The following PCLO variants were observed in gnomAD, a reference collection of about 807,000 sequenced individuals.
The protein encoded by PCLO is piccolo presynaptic cytomatrix protein.
Under a neutral mutation model 427.5 loss-of-function variants are expected in PCLO, and 82 were observed. The observed-to-expected ratio is 0.19, with a 90% CI of 0.16 to 0.23. The LOEUF is 0.23. PCLO is among the 10% of genes least tolerant of loss of function. The pLI, the probability that PCLO is intolerant of heterozygous loss-of-function variation, is 1.00. For synonymous variants in PCLO, 2,357 were observed against 2,155.4 expected, an observed-to-expected ratio of 1.09 and a Z score of -2.59; for missense variants, 6,239 against 6,115.9, an observed-to-expected ratio of 1.02 and a Z score of -0.67.
chr7:82,843,665 ATTTTT>A (rs71522631), intron 13 of PCLO, among the ~76,000 whole-genome samples: 1 of 135,804 alleles, frequency 7.4e-6, no homozygotes, highest in African/African-American at 2.7e-5. Flanking sequence ...CAACGTATTC[ATTTTT>A]TTTTTTTTTT....
intron 6 of PCLO, among the ~76,000 whole-genome samples, chr7:82,930,417 GT>G (rs1794814519): frequency 6.6e-6 from 1 of 152,082 alleles, no homozygotes. Context: ...AAGATTTGAA[GT>G]TCAGAAATGA....
At chr7:82,991,949 A>G (rs979867618) in intron 3 of PCLO, among the ~76,000 whole-genome samples, 6 of 152,082 alleles carry the variant, frequency 3.9e-5, no homozygotes, top group Non-Finnish European at 1.5e-5. Context: ...TTACATGACA[A>G]TCTATTAGTG....
chr7:82,831,550 G>A (rs2715154), intron 16 of PCLO, among the ~76,000 whole-genome samples: 11 of 151,976 alleles, frequency 7.2e-5, no homozygotes, highest in Middle Eastern at 3.4e-3. Flanking sequence ...TAGTACATCC[G>A]AAGTGAGTGT....
intron 3 of PCLO, among the ~76,000 whole-genome samples, chr7:83,042,061 A>G (rs1189394007): frequency 6.6e-6 from 1 of 152,106 alleles, no homozygotes; most frequent in Non-Finnish European, 1.5e-5. Context: ...GCTGAACTTG[A>G]ATTGCTATGG....
Position 82,951,058 on chromosome 7 carries a change from G to A in PCLO, c.9530C>T (p.Thr3177Met), listed in dbSNP as rs146735127. Residue 3177 changes from threonine to methionine, a missense_variant, in exon 6 of 25, where the codon ACG becomes ATG. Physicochemically the swap from Thr to Met is moderately conservative, Grantham distance 81. Around this residue, in one of 5 missense-constraint regions of PCLO, gnomAD observed 4,677 missense variants for 4,468.4 expected, o/e 1.05. Transcript: ENST00000333891. ...TITMESLTAE[T>M]IDSVPTLTTA... ...GGTTAAAGTGGGAACAGAGTCTATCGTCTCAGCAGTAAGAGACTCCATAGT... is the reference window on the plus strand; with the variant it reads ...GGTTAAAGTGGGAACAGAGTCTATCATCTCAGCAGTAAGAGACTCCATAGT... 1.7e-4 allele frequency: 267 copies of A among 1,613,812 alleles called. No individual in the cohort carries two copies. Among genetic ancestry groups the A allele is most frequent in the Admixed American group, 8.5e-4 (51 of 60,024 alleles).
chr7:83,060,712 T>C (rs917897581), intron 3 of PCLO, among the ~76,000 whole-genome samples: 1 of 152,106 alleles, frequency 6.6e-6, no homozygotes, highest in African/African-American at 2.4e-5. Context: ...GTCCATAGGG[T>C]GGGGTGGCTA....
In PCLO at chr7:82,954,341, A is replaced by C. The variant is rs1199490570; in HGVS notation, c.6612T>G (p.Asp2204Glu). 3.7e-6 allele frequency: 6 copies of C among 1,613,674 alleles called. No individual in the cohort carries two copies. The African/African-American group carries it at 6.7e-5, about 18-fold the overall frequency. The change falls in exon 5 of 25, where the codon GAT becomes GAG. Residue 2204 changes from aspartate to glutamate, a missense_variant. Physicochemically the swap from Asp to Glu is conservative, Grantham distance 45. Coordinates refer to ENST00000333891, the MANE Select transcript of PCLO (RefSeq NM_033026.6). ...GCTCTGTATAAACTGTGGTTATGCT[A>C]TCCAGGGTAGTAATGGGTGAAGAGC... Reference protein sequence around the residue: ...TDSSSPITTLDSITTVYTEPV... With the variant: ...TDSSSPITTLESITTVYTEPV...
intron 2 of PCLO, among the ~76,000 whole-genome samples, chr7:83,141,776 G>A (rs1437222288): frequency 6.6e-6 from 1 of 152,096 alleles, no homozygotes; most frequent in East Asian, 1.9e-4. Context: ...ACTACTTGAA[G>A]GTTTAATTGT....
At chr7:82,926,372 T>C (rs547510984) in intron 6 of PCLO, among the ~76,000 whole-genome samples, 49 of 152,270 alleles carry the variant, frequency 3.2e-4, no homozygotes, top group Admixed American at 9.8e-4. Flanking sequence ...GTGAAAATAA[T>C]TGAAAAATTT....
chr7:83,020,982 G>A (rs1481080951), intron 3 of PCLO, among the ~76,000 whole-genome samples: 1 of 152,102 alleles, frequency 6.6e-6, no homozygotes, highest in African/African-American at 2.4e-5. Flanking sequence ...ATTGTGAAAT[G>A]TTAAATTTTC....
At chr7:83,159,005 G>C (rs1324294588) in intron 1 of PCLO, among the ~76,000 whole-genome samples, 1 of 151,960 alleles carries the variant, frequency 6.6e-6, no homozygotes, top group African/African-American at 2.4e-5. Context: ...TGCAATCTCT[G>C]CCTTGTATAC....
chr7:82,886,551 T>C (rs1284525083), intron 9 of PCLO, among the ~76,000 whole-genome samples: 2 of 152,158 alleles, frequency 1.3e-5, no homozygotes, highest in Non-Finnish European at 1.5e-5. Context: ...ATTTTAGGTA[T>C]ATAAATGAAA....
intron 3 of PCLO, among the ~76,000 whole-genome samples, chr7:83,125,716 T>G (rs1181387314): frequency 6.6e-6 from 1 of 152,064 alleles, no homozygotes; most frequent in Non-Finnish European, 1.5e-5. Context: ...CGCCACGCCC[T>G]AATCTCAAGT....
intron 10 of PCLO, 42 bp downstream of exon 10, chr7:82,879,295 A>T: frequency 6.6e-7 from 1 of 1,514,024 alleles, no homozygotes; most frequent in Non-Finnish European, 9.0e-7. Context: ...ATTTAATATG[A>T]GTGCATTCAT....
Position 82,863,937 on chromosome 7 carries a change from AT to A in PCLO, c.13654+15399del, listed in dbSNP as rs146070022. ...CTCACACAAAAAAGTTATTTTGCCC[AT>A]TTTTTTTCTCATTTTATCTTCACAG... On this transcript the variant is annotated intron_variant, in intron 10 of 24. Transcript: ENST00000333891. Among the ~76,000 whole-genome samples the A allele has an allele frequency of 6.4e-3, 970 of 151,806 alleles. 13 individuals carry two copies. Among genetic ancestry groups the A allele is most frequent in the African/African-American group, 0.022 (913 of 41,430 alleles).
chr7:82,879,516 T>C (rs1793451822), intron 9 of PCLO, 54 bp from the exon 10 acceptor site: 1 of 1,358,044 alleles, frequency 7.4e-7, no homozygotes. Flanking sequence ...GGACAATAGT[T>C]ATCACAAGTT....
chr7:83,110,764 A>G (rs1414118507), intron 3 of PCLO, among the ~76,000 whole-genome samples: 1 of 152,186 alleles, frequency 6.6e-6, no homozygotes, highest in Non-Finnish European at 1.5e-5. Context: ...GGTAAAAAGT[A>G]TAGAGTTATA....
chr7:82,950,437 T>C lies in PCLO; in HGVS notation c.10151A>G (p.Tyr3384Cys). The C allele has an allele frequency of 1.2e-6, 2 of 1,613,812 alleles. No individual in the cohort carries two copies. Among genetic ancestry groups the C allele is most frequent in the Non-Finnish European group, 1.7e-6 (2 of 1,179,842 alleles). ...GCTCAGGATACCAGGTGGGGCAATG[T>C]ACTGAGTAACACCATCAGACTGAAC... The part of the protein sequence containing the change: ...YTVQSDGVTQ[Y>C]IAPPGILSTV... The change falls in exon 6 of 25, where the codon TAC (tyrosine) becomes TGC (cysteine). Residue 3384 changes from tyrosine (Y) to cysteine (C), a missense_variant. Physicochemically the swap from Tyr to Cys is radical, Grantham distance 194. This residue lies in a region of PCLO where 4,677 missense variants were observed against 4,468.4 expected (regional missense o/e 1.05). Transcript: ENST00000333891.
intron 9 of PCLO, among the ~76,000 whole-genome samples, chr7:82,880,827 A>C (rs1390500542): frequency 6.6e-6 from 1 of 152,310 alleles, no homozygotes. Context: ...TTAAGCTATA[A>C]AAATTAGAAA....
Sources: gnomAD v4.1 joint callset for allele counts (sites outside exome capture counted in the v4.1 genomes callset) on GRCh38, gnomAD v4.1.1 for gene constraint, gnomAD v4.1.1 regional missense constraint, MANE v1.5 for transcripts, NCBI Gene and HGNC (gene_info 2026-07-23, HGNC 2026-07-21) for gene names.